Variants in PDE11A observed in about 807,000 individuals in gnomAD.
The protein encoded by PDE11A is phosphodiesterase 11A, also known as dual 3',5'-cyclic-AMP and -GMP phosphodiesterase 11A.
Under a neutral mutation model 100.5 loss-of-function variants are expected in PDE11A, and 100 were observed. That is an observed-to-expected ratio of 1.00 (90% confidence interval 0.85 to 1.18). PDE11A has a LOEUF of 1.18. PDE11A is among the 50% of genes most tolerant of loss of function. The pLI, the probability that PDE11A is intolerant of heterozygous loss-of-function variation, is 0.00. For synonymous variants in PDE11A, 381 were observed against 420.8 expected, an observed-to-expected ratio of 0.91 and a Z score of 1.16; for missense variants, 1,141 against 1,152.6, an observed-to-expected ratio of 0.99 and a Z score of 0.15.
rs2105874055 is a variant in PDE11A, at chr2:178,072,734, C to T, written c.-297G>A. On this transcript the variant is annotated 5_prime_UTR_variant, in exon 1 of 20. Transcript: ENST00000286063. ...CCGGAAACCCGAGCTATCGCTGCTC[C>T]TGTTCTGGCTGCCGCCGCTGCTGCT... 3.7e-6 allele frequency: 5 copies of T among 1,345,232 alleles called. No individual in the cohort carries two copies. In the South Asian group the frequency reaches 7.6e-5, roughly 20 times the overall value. 83.3% of individuals were successfully genotyped at this position (1,345,232 alleles called of 1,614,324 possible).
At chr2:177,800,240 G>A (rs1336255535) in intron 9 of PDE11A, among the ~76,000 whole-genome samples, 1 of 151,380 alleles carries the variant, frequency 6.6e-6, no homozygotes, top group Non-Finnish European at 1.5e-5. Flanking sequence ...CATGATCATA[G>A]CTCAGTGCAG....
intron 5 of PDE11A, among the ~76,000 whole-genome samples, chr2:177,841,978 T>G (rs1301899880): frequency 6.6e-6 from 1 of 152,208 alleles, no homozygotes; most frequent in Non-Finnish European, 1.5e-5. Context: ...TGTGCTGCAA[T>G]GAAAGCAAAA....
chr2:178,108,260 C>G (rs1220155531), exon 1 of PDE11A: 1 of 152,318 alleles, frequency 6.6e-6, no homozygotes, highest in Non-Finnish European at 1.5e-5. Flanking sequence ...TCACCTGGAA[C>G]AGCCACCTGG....
At chr2:178,073,963 G>T (rs1049929322), upstream of PDE11A, among the ~76,000 whole-genome samples, 2 of 151,822 alleles carry the variant, frequency 1.3e-5, no homozygotes, top group Non-Finnish European at 2.9e-5. Context: ...ATATGCAGTG[G>T]AAATAATCCA....
chr2:177,857,992 CAATT>C (rs2083873127), intron 5 of PDE11A, among the ~76,000 whole-genome samples: 1 of 151,694 alleles, frequency 6.6e-6, no homozygotes. Context: ...GAAAATATAA[CAATT>C]AAAGGATTCC....
chr2:177,745,577 G>C (rs1182825038), intron 10 of PDE11A, among the ~76,000 whole-genome samples: 6 of 152,202 alleles, frequency 3.9e-5, no homozygotes, highest in African/African-American at 1.4e-4. Flanking sequence ...CCACTGGCAG[G>C]CTTGCTGGGC....
intron 14 of PDE11A, among the ~76,000 whole-genome samples, chr2:177,699,081 A>T (rs1232058421): frequency 6.6e-6 from 1 of 152,226 alleles, no homozygotes; most frequent in East Asian, 1.9e-4. Context: ...CATGCATCAC[A>T]TAACAGGAGG....
chr2:177,807,180 C>A (rs1038228182), intron 9 of PDE11A, among the ~76,000 whole-genome samples: 4 of 152,010 alleles, frequency 2.6e-5, no homozygotes, highest in Admixed American at 1.3e-4. Flanking sequence ...AAGAAAAAAA[C>A]CCATTACATT....
chr2:177,906,929 C>T (rs548557261), intron 2 of PDE11A, among the ~76,000 whole-genome samples: 7 of 152,140 alleles, frequency 4.6e-5, no homozygotes, highest in East Asian at 1.9e-4. Context: ...ATGACTATAA[C>T]GGGGATAAAA....
At chr2:177,739,055 A>T (rs1253768135) in intron 10 of PDE11A, among the ~76,000 whole-genome samples, 2 of 152,202 alleles carry the variant, frequency 1.3e-5, no homozygotes, top group Non-Finnish European at 2.9e-5. Flanking sequence ...GCCAACACTA[A>T]CATGGAACCA....
chr2:177,963,325 G>T (rs1230553375), intron 2 of PDE11A, among the ~76,000 whole-genome samples: 1 of 152,120 alleles, frequency 6.6e-6, no homozygotes, highest in African/African-American at 2.4e-5. Flanking sequence ...CTGAGTGTGT[G>T]CTAGTGTAAC....
intron 2 of PDE11A, among the ~76,000 whole-genome samples, chr2:177,935,678 T>C (rs2085263372): frequency 6.6e-6 from 1 of 152,140 alleles, no homozygotes; most frequent in African/African-American, 2.4e-5. Context: ...CAGAGGCAGA[T>C]CTGTTGGGGC....
At chr2:177,845,411 G>A (rs201168717) in intron 5 of PDE11A, among the ~76,000 whole-genome samples, 19,799 of 149,084 alleles carry the variant, frequency 0.13, 1,409 homozygotes, top group Middle Eastern at 0.25. Flanking sequence ...GGGCAGAGGC[G>A]CTCCCCACAT....
At chr2:177,877,553 G>T (rs923662022) in intron 4 of PDE11A, among the ~76,000 whole-genome samples, 6 of 151,986 alleles carry the variant, frequency 3.9e-5, no homozygotes, top group African/African-American at 9.7e-5. Context: ...TCTGGGCATG[G>T]GGACATTCCT....
chr2:177,900,257 A>G (rs1251024859), intron 3 of PDE11A, among the ~76,000 whole-genome samples: 1 of 152,234 alleles, frequency 6.6e-6, no homozygotes, highest in Non-Finnish European at 1.5e-5. Flanking sequence ...AGGGCACTTG[A>G]TTCAACAGAA....
chr2:177,910,967 T>A (rs2084872533), intron 2 of PDE11A, among the ~76,000 whole-genome samples: 1 of 152,152 alleles, frequency 6.6e-6, no homozygotes, highest in Non-Finnish European at 1.5e-5. Context: ...ACCCTACTTG[T>A]AGAAGGCAAA....
At chr2:177,672,005 C>T (rs1301480862) in intron 17 of PDE11A, among the ~76,000 whole-genome samples, 2 of 152,184 alleles carry the variant, frequency 1.3e-5, no homozygotes, top group African/African-American at 4.8e-5. Context: ...GTCCTCCTAA[C>T]TTCCTCACAC....
intron 2 of PDE11A, among the ~76,000 whole-genome samples, chr2:178,082,311 G>A (rs1433052028): frequency 6.6e-6 from 1 of 152,156 alleles, no homozygotes; most frequent in Non-Finnish European, 1.5e-5. Flanking sequence ...TATTATTATT[G>A]TTGTTATCAT....
chr2:178,098,780 T>C (rs956677416), intron 2 of PDE11A, among the ~76,000 whole-genome samples: 2 of 152,246 alleles, frequency 1.3e-5, no homozygotes, highest in Non-Finnish European at 2.9e-5. Flanking sequence ...CATTTCAAAA[T>C]ATTTTTAAAG....
Sources: gnomAD v4.1 joint callset for allele counts (sites outside exome capture counted in the v4.1 genomes callset) on GRCh38, gnomAD v4.1.1 for gene constraint, MANE v1.5 for transcripts, NCBI Gene and HGNC (gene_info 2026-07-23, HGNC 2026-07-21) for gene names.